WWOX: variants seen among roughly 807,000 people sequenced by gnomAD.
WWOX encodes WW domain-containing oxidoreductase.
WWOX carries 69 observed loss-of-function variants against 46.2 expected under a neutral mutation model. That is an observed-to-expected ratio of 1.49 (90% CI 1.23 to 1.82). The LOEUF is 1.82. WWOX is among the 40% of genes most tolerant of loss of function. The pLI, the probability that WWOX is intolerant of heterozygous loss-of-function variation, is 0.00. For synonymous variants in WWOX, 359 were observed against 202.6 expected (o/e 1.77, Z -6.56); for missense variants, 919 against 542.6 (o/e 1.69, Z -6.89).
chr16:79,156,176 C>T (rs1329509195), intron 8 of WWOX, among the ~76,000 whole-genome samples: 1 of 152,052 alleles, frequency 6.6e-6, no homozygotes, highest in Non-Finnish European at 1.5e-5. Context: ...TTGTTCGTTT[C>T]TTTGAGACAA....
chr16:78,315,409 G>T (rs2080338546), intron 5 of WWOX, among the ~76,000 whole-genome samples: 1 of 152,168 alleles, frequency 6.6e-6, no homozygotes, highest in African/African-American at 2.4e-5. Context: ...AGCACTTGGG[G>T]AGGCCAAGGC....
At chr16:79,075,191 G>A (rs1179206561) in intron 8 of WWOX, among the ~76,000 whole-genome samples, 2 of 152,324 alleles carry the variant, frequency 1.3e-5, no homozygotes, top group South Asian at 2.1e-4. Flanking sequence ...GTCTGCATTT[G>A]TATGAAGCTT....
chr16:78,593,801 GAT>G (rs2045409187), intron 8 of WWOX, among the ~76,000 whole-genome samples: 1 of 151,984 alleles, frequency 6.6e-6, no homozygotes, highest in African/African-American at 2.4e-5. Flanking sequence ...ATGAAACAAA[GAT>G]AGAGCTAGCA....
chr16:79,116,277 G>A lies in WWOX; in HGVS notation c.1057-95331G>A, dbSNP rs75893361. 3.4e-3 allele frequency among the ~76,000 whole-genome samples: 523 copies of A among 152,188 alleles called. 2 individuals are homozygous for A. Among genetic ancestry groups the A allele is most frequent in the African/African-American group, 0.012 (501 of 41,530 alleles). On this transcript the variant is annotated intron_variant, in intron 8 of 8. Transcript: ENST00000566780. ...AAGGATAAAGCTTGCTGCATGGATT[G>A]ACTCTTCCTTTTACAAAAGGATTCT...
At chr16:79,042,536 A>G (rs1421785119) in intron 8 of WWOX, among the ~76,000 whole-genome samples, 2 of 152,082 alleles carry the variant, frequency 1.3e-5, no homozygotes, top group Non-Finnish European at 2.9e-5. Flanking sequence ...CTTACTCAAT[A>G]AAATGTGGGT....
chr16:78,704,045 A>T (rs2048281250), intron 8 of WWOX, among the ~76,000 whole-genome samples: 1 of 152,084 alleles, frequency 6.6e-6, no homozygotes, highest in African/African-American at 2.4e-5. Context: ...TCTCCAAGTG[A>T]ACTTGATTCT....
intron 8 of WWOX, among the ~76,000 whole-genome samples, chr16:78,829,426 T>C (rs984692053): frequency 1.3e-5 from 2 of 152,194 alleles, no homozygotes; most frequent in African/African-American, 4.8e-5. Context: ...GGCAGGGCAA[T>C]CAGTTTTACT....
intron 5 of WWOX, among the ~76,000 whole-genome samples, chr16:78,316,334 C>G (rs1467136712): frequency 2.6e-5 from 4 of 152,094 alleles, no homozygotes; most frequent in Non-Finnish European, 5.9e-5. Context: ...GTTAGATTCC[C>G]TGAAGTGGAA....
At chr16:78,861,513 T>A (rs1459098267) in intron 8 of WWOX, among the ~76,000 whole-genome samples, 1 of 152,228 alleles carries the variant, frequency 6.6e-6, no homozygotes, top group African/African-American at 2.4e-5. Context: ...CCTGAAAATT[T>A]ACCAAAGTAA....
intron 8 of WWOX, among the ~76,000 whole-genome samples, chr16:78,528,165 A>ATTTTTTTTTTTTTTTTTTTTT (rs56803717): frequency 5.1e-5 from 3 of 58,400 alleles, no homozygotes; most frequent in African/African-American, 1.7e-4. Context: ...CACCTGGCTA[A>ATTTTTTTTTTTTTTTTTTTTT]TTTTTTTTTT....
At chr16:79,042,728 G>GTTTTTTTTTTTTT (rs11379084) in intron 8 of WWOX, among the ~76,000 whole-genome samples, 2 of 143,126 alleles carry the variant, frequency 1.4e-5, no homozygotes, top group Non-Finnish European at 1.5e-5. Flanking sequence ...AATACTCAGG[G>GTTTTTTTTTTTTT]TTTTTTTTTT....
intron 8 of WWOX, among the ~76,000 whole-genome samples, chr16:78,741,237 C>A (rs1413944993): frequency 6.6e-6 from 1 of 152,190 alleles, no homozygotes; most frequent in African/African-American, 2.4e-5. Flanking sequence ...TTTACTGACT[C>A]CTTAGCATTG....
intron 8 of WWOX, among the ~76,000 whole-genome samples, chr16:79,194,400 A>C (rs1192449591): frequency 6.6e-6 from 1 of 152,178 alleles, no homozygotes; most frequent in East Asian, 1.9e-4. Context: ...GTGAGATCAC[A>C]GTCTAACAGC....
intron 8 of WWOX, among the ~76,000 whole-genome samples, chr16:79,035,975 C>G (rs747426266): frequency 6.6e-6 from 1 of 152,184 alleles, no homozygotes; most frequent in African/African-American, 2.4e-5. Context: ...ACCAGCATCC[C>G]TTGGCTTTTT....
At chr16:78,693,053 G>A (rs1267908850) in intron 8 of WWOX, among the ~76,000 whole-genome samples, 1 of 152,184 alleles carries the variant, frequency 6.6e-6, no homozygotes, top group Non-Finnish European at 1.5e-5. Flanking sequence ...ATTTTTATTT[G>A]CCATCCAGAG....
intron 5 of WWOX, among the ~76,000 whole-genome samples, chr16:78,374,382 G>A (rs1389712849): frequency 6.6e-6 from 1 of 152,066 alleles, no homozygotes; most frequent in Non-Finnish European, 1.5e-5. Context: ...TCACTTGTTA[G>A]TGTTGTTTTA....
intron 8 of WWOX, among the ~76,000 whole-genome samples, chr16:79,007,128 A>T (rs2151372452): frequency 6.6e-6 from 1 of 152,338 alleles, no homozygotes; most frequent in African/African-American, 2.4e-5. Context: ...AATGACACAG[A>T]CAAGATCCTT....
intron 8 of WWOX, among the ~76,000 whole-genome samples, chr16:79,014,310 C>A (rs1323965834): frequency 6.6e-6 from 1 of 152,250 alleles, no homozygotes; most frequent in South Asian, 2.1e-4. Flanking sequence ...AGATGCTTTC[C>A]TGGGGTGGTT....
At chr16:78,875,122 G>A (rs1425858412) in intron 8 of WWOX, among the ~76,000 whole-genome samples, 1 of 152,136 alleles carries the variant, frequency 6.6e-6, no homozygotes, top group African/African-American at 2.4e-5. Flanking sequence ...AGAGGGTCTC[G>A]GGCTGACTCT....
Sources: gnomAD v4.1 joint callset for allele counts (sites outside exome capture counted in the v4.1 genomes callset) on GRCh38, gnomAD v4.1.1 for gene constraint, MANE v1.5 for transcripts, NCBI Gene and HGNC (gene_info 2026-07-23, HGNC 2026-07-21) for gene names.